Variants in SMIM31 observed in about 807,000 individuals in gnomAD.
SMIM31 encodes the protein human epithelial cell program regulator.
intron 2 of SMIM31, among the ~76,000 whole-genome samples, chr4:164,798,798 G>A (rs1008292347): frequency 6.6e-6 from 1 of 152,102 alleles, no homozygotes; most frequent in Non-Finnish European, 1.5e-5. Context: ...GGTGGGGCCC[G>A]GTTGGGGGTG....
chr4:164,778,961 A>G (rs1286740187), intron 2 of SMIM31, among the ~76,000 whole-genome samples: 1 of 152,090 alleles, frequency 6.6e-6, no homozygotes, highest in Non-Finnish European at 1.5e-5. Context: ...GAAAAAATGT[A>G]AAATAATATT....
chr4:164,793,997 A>G (rs1341826243), intron 2 of SMIM31, among the ~76,000 whole-genome samples: 1 of 152,204 alleles, frequency 6.6e-6, no homozygotes, highest in African/African-American at 2.4e-5. Context: ...AGAACAAACA[A>G]AAGTAAATAT....
At chr4:164,800,013 CAG>C (rs1237664774) in intron 2 of SMIM31, among the ~76,000 whole-genome samples, 1 of 152,102 alleles carries the variant, frequency 6.6e-6, no homozygotes, top group African/African-American at 2.4e-5. Context: ...ATTTAGAAAA[CAG>C]AACCAGAGAA....
chr4:164,799,719 C>A lies in SMIM31; in HGVS notation c.113-1372C>A, dbSNP rs543392942. Among the ~76,000 whole-genome samples the A allele has an allele frequency of 7.4e-4, 112 of 152,264 alleles. 2 individuals are homozygous for A. Among genetic ancestry groups the A allele is most frequent in the Non-Finnish European group, 2.9e-4 (20 of 68,024 alleles). Reference sequence around the variant, plus strand: ...CAATGTTTAATCTGGGCACCCATGGCCCACTCAAGTTGACACAAAAAATTA... The same window carrying A: ...CAATGTTTAATCTGGGCACCCATGGACCACTCAAGTTGACACAAAAAATTA... On this transcript the variant is annotated intron_variant, in intron 2 of 2. Coordinates refer to ENST00000507311, the MANE Select transcript of SMIM31 (RefSeq NM_001352885.1).
intron 1 of SMIM31, among the ~76,000 whole-genome samples, chr4:164,762,742 G>T (rs193243243): frequency 6.8e-4 from 103 of 151,728 alleles, no homozygotes; most frequent in African/African-American, 2.2e-3. Context: ...GCACAATGCT[G>T]CTATAAAACA....
intron 1 of SMIM31, among the ~76,000 whole-genome samples, chr4:164,768,776 A>G (rs1192028202): frequency 6.6e-6 from 1 of 152,220 alleles, no homozygotes; most frequent in Non-Finnish European, 1.5e-5. Context: ...GTCCTCACAG[A>G]AAACTGACGG....
intron 2 of SMIM31, among the ~76,000 whole-genome samples, chr4:164,784,529 T>G (rs942687743): frequency 2.0e-5 from 3 of 152,196 alleles, no homozygotes; most frequent in African/African-American, 7.2e-5. Context: ...GAATTTTGTA[T>G]GAAAGGAAAT....
chr4:164,796,379 TG>T (rs1733195598), intron 2 of SMIM31, among the ~76,000 whole-genome samples: 1 of 152,208 alleles, frequency 6.6e-6, no homozygotes, highest in Admixed American at 6.5e-5. Context: ...TATCAGTCCT[TG>T]TGTGCCTCCT....
intron 2 of SMIM31, among the ~76,000 whole-genome samples, chr4:164,784,013 A>G (rs1732995666): frequency 6.6e-6 from 1 of 152,194 alleles, no homozygotes. Context: ...TCCAGGCATT[A>G]TTTTCCCTCA....
chr4:164,773,087 G>GCTTA (rs1246960451), intron 2 of SMIM31, among the ~76,000 whole-genome samples: 37 of 146,452 alleles, frequency 2.5e-4, no homozygotes, highest in Non-Finnish European at 3.9e-4. Context: ...TCTGCAAAGG[G>GCTTA]CTTAAATTGG....
intron 2 of SMIM31, among the ~76,000 whole-genome samples, chr4:164,783,369 C>T (rs780056884): frequency 1.5e-4 from 22 of 151,384 alleles, no homozygotes; most frequent in Non-Finnish European, 2.7e-4. Context: ...ACCAAAAACA[C>T]AAAAATTTGC....
chr4:164,786,865 G>A (rs936824554), intron 2 of SMIM31, among the ~76,000 whole-genome samples: 1 of 152,194 alleles, frequency 6.6e-6, no homozygotes, highest in African/African-American at 2.4e-5. Flanking sequence ...GGTAGGTATA[G>A]GATGCAAAAA....
At chr4:164,774,768 T>G (rs1427161139) in intron 2 of SMIM31, among the ~76,000 whole-genome samples, 1 of 152,256 alleles carries the variant, frequency 6.6e-6, no homozygotes, top group Non-Finnish European at 1.5e-5. Flanking sequence ...GTTTCAAGTT[T>G]CAATATAAAG....
In SMIM31 at chr4:164,775,520, A is replaced by G. The variant is rs77611564; in HGVS notation, c.112+4965A>G. Reference sequence around the variant, plus strand: ...ACCTATAACTTTTCTACTCCTCCCTATAAAATTCTGCAGTAAAACTACCCT... The same window carrying G: ...ACCTATAACTTTTCTACTCCTCCCTGTAAAATTCTGCAGTAAAACTACCCT... On this transcript the variant is annotated intron_variant, in intron 2 of 2. Coordinates refer to ENST00000507311, the MANE Select transcript of SMIM31 (RefSeq NM_001352885.1). Among the ~76,000 whole-genome samples, 1,001 of 152,288 alleles carry G rather than the reference A, an allele frequency of 6.6e-3. 35 individuals are homozygous for G. In the East Asian group the frequency reaches 0.091, roughly 14 times the overall value.
intron 1 of SMIM31, among the ~76,000 whole-genome samples, chr4:164,762,662 C>CAAAAAAAAAAAAAAAAAAAAAAAA (rs1162067333): frequency 5.0e-5 from 5 of 100,110 alleles, no homozygotes; most frequent in Admixed American, 1.2e-4. Flanking sequence ...GACTCTGTCT[C>CAAAAAAAAAAAAAAAAAAAAAAAA]AAAAAAAAAA....
intron 2 of SMIM31, among the ~76,000 whole-genome samples, chr4:164,780,339 A>G (rs1732932653): frequency 6.6e-6 from 1 of 152,188 alleles, no homozygotes; most frequent in African/African-American, 2.4e-5. Context: ...AGGCAGGAGA[A>G]CTGCTTGAAC....
At chr4:164,793,906 A>C (rs1173039886) in intron 2 of SMIM31, among the ~76,000 whole-genome samples, 1 of 152,230 alleles carries the variant, frequency 6.6e-6, no homozygotes, top group Non-Finnish European at 1.5e-5. Context: ...TTCTGGAACA[A>C]AACATGAGAA....
intron 1 of SMIM31, among the ~76,000 whole-genome samples, chr4:164,770,211 A>G (rs985863512): frequency 6.6e-6 from 1 of 152,118 alleles, no homozygotes; most frequent in African/African-American, 2.4e-5. Flanking sequence ...CTCTCTTCCA[A>G]TCTACACAGT....
At chr4:164,798,744 GT>G (rs1051031308) in intron 2 of SMIM31, among the ~76,000 whole-genome samples, 1 of 151,134 alleles carries the variant, frequency 6.6e-6, no homozygotes, top group Admixed American at 6.6e-5. Flanking sequence ...TTTGGATGTT[GT>G]CCCCTCTAAA....
Sources: allele counts gnomAD v4.1 joint callset (sites outside exome capture counted in the v4.1 genomes callset), GRCh38; gene constraint gnomAD v4.1.1; transcripts MANE v1.5; gene names NCBI Gene and HGNC (gene_info 2026-07-23, HGNC 2026-07-21).